GALNT14: variants seen among roughly 807,000 people sequenced by gnomAD.
GALNT14 encodes UDP-GalNAc:polypeptide N-acetylgalactosaminyltransferase 14.
GALNT14 carries 60 observed loss-of-function variants against 77.5 expected under a neutral mutation model. The ratio of observed to expected loss-of-function variants is 0.77; its 90% confidence interval spans 0.63 to 0.96. The LOEUF is 0.96. Among genes scored for constraint, GALNT14 ranks in the 40% least tolerant of loss-of-function variants. The probability of loss-of-function intolerance (pLI) is 0.00; values close to 1 mark genes in which losing one functional copy is unlikely to be tolerated. For synonymous variants in GALNT14, 280 were observed against 281.7 expected (o/e 0.99, Z 0.06); for missense variants, 710 against 731.0 (o/e 0.97, Z 0.33).
At chr2:30,989,234 C>A (rs983958676) in intron 2 of GALNT14, among the ~76,000 whole-genome samples, 4 of 152,022 alleles carry the variant, frequency 2.6e-5, no homozygotes, top group African/African-American at 9.7e-5. Flanking sequence ...TGCTAAGGAC[C>A]AGCACCCCAC....
At chr2:31,019,649 G>A (rs894304047) in intron 1 of GALNT14, among the ~76,000 whole-genome samples, 1 of 152,188 alleles carries the variant, frequency 6.6e-6, no homozygotes, top group African/African-American at 2.4e-5. Flanking sequence ...GGCTATCGCT[G>A]TCTTTCCAGA....
chr2:30,960,107 A>G (rs1317907354), intron 3 of GALNT14, among the ~76,000 whole-genome samples: 3 of 152,146 alleles, frequency 2.0e-5, no homozygotes, highest in African/African-American at 7.2e-5. Flanking sequence ...GAGGAACCCC[A>G]ACACAAAGTC....
At chr2:31,065,642 G>T (rs1674898386) in intron 1 of GALNT14, among the ~76,000 whole-genome samples, 3 of 152,164 alleles carry the variant, frequency 2.0e-5, no homozygotes, top group South Asian at 4.1e-4. Context: ...ACTTGATGAT[G>T]GTCCGGCAGG....
intron 11 of GALNT14, among the ~76,000 whole-genome samples, chr2:30,925,333 G>A (rs2148234247): frequency 6.6e-6 from 1 of 152,316 alleles, no homozygotes; most frequent in Non-Finnish European, 1.5e-5. Flanking sequence ...TGTACCCAAT[G>A]TGGGATACTA....
chr2:30,925,088 G>A (rs1665288597), intron 11 of GALNT14, among the ~76,000 whole-genome samples: 1 of 152,172 alleles, frequency 6.6e-6, no homozygotes, highest in African/African-American at 2.4e-5. Context: ...ATGGAATTTG[G>A]GGGTGTTTTT....
At position 30,985,190 on chromosome 2, in the gene GALNT14, T is replaced by A. The variant is rs997984033; in HGVS notation, c.299+7648A>T. On this transcript the variant is annotated intron_variant, in intron 2 of 14. Coordinates refer to ENST00000349752, the MANE Select transcript of GALNT14 (RefSeq NM_024572.4). ...AATGAATGAAATGTACAATGCAAGG[T>A]CAACGTTAGCAGGAATTCACTAGGA... Among the ~76,000 whole-genome samples, 7 of 152,038 alleles carry A rather than the reference T, an allele frequency of 4.6e-5. No homozygotes were observed. In the South Asian group the frequency reaches 1.0e-3, roughly 22 times the overall value.
intron 2 of GALNT14, among the ~76,000 whole-genome samples, chr2:30,988,614 C>A (rs984547500): frequency 1.3e-5 from 2 of 152,126 alleles, no homozygotes; most frequent in African/African-American, 2.4e-5. Context: ...CCTCTACTCT[C>A]GACTCAGACC....
chr2:30,889,902 A>G, the GALNT14 span, among the ~76,000 whole-genome samples: 725 of 152,294 alleles, frequency 4.8e-3, 3 homozygotes, highest in African/African-American at 0.017. Flanking sequence ...TTGCTTGCCT[A>G]ACTCTAAAAG....
At chr2:30,901,803 G>C in the GALNT14 span, among the ~76,000 whole-genome samples, 3 of 152,110 alleles carry the variant, frequency 2.0e-5, no homozygotes, top group African/African-American at 7.2e-5. Flanking sequence ...TTGGGGGACG[G>C]GGCTTCTGCC....
chr2:30,965,240 G>A (rs192738964), intron 3 of GALNT14, among the ~76,000 whole-genome samples: 110 of 152,260 alleles, frequency 7.2e-4, no homozygotes, highest in African/African-American at 2.1e-3. Context: ...CTGGCTAGGC[G>A]ACACTGGACC....
At chr2:30,962,778 T>A (rs1667772934) in intron 3 of GALNT14, among the ~76,000 whole-genome samples, 2 of 152,160 alleles carry the variant, frequency 1.3e-5, no homozygotes, top group Non-Finnish European at 2.9e-5. Flanking sequence ...CAACAAAGCC[T>A]GTCCAGAATT....
At chr2:31,024,538 A>G (rs1671926530) in intron 1 of GALNT14, among the ~76,000 whole-genome samples, 1 of 152,130 alleles carries the variant, frequency 6.6e-6, no homozygotes, top group African/African-American at 2.4e-5. Flanking sequence ...GGAATGCATT[A>G]GATTCTGCAT....
At chr2:30,968,094 G>A (rs569155555) in intron 2 of GALNT14, among the ~76,000 whole-genome samples, 3 of 152,232 alleles carry the variant, frequency 2.0e-5, no homozygotes, top group African/African-American at 4.8e-5. Context: ...CTCTTTTCTC[G>A]CAGTTCTCGT....
At chr2:31,096,725 G>A (rs1677020657) in intron 1 of GALNT14, among the ~76,000 whole-genome samples, 1 of 152,150 alleles carries the variant, frequency 6.6e-6, no homozygotes, top group South Asian at 2.1e-4. Context: ...GGAGTCTTCT[G>A]ATAATACATG....
At chr2:31,044,684 G>A (rs1011022236) in intron 1 of GALNT14, among the ~76,000 whole-genome samples, 1 of 152,126 alleles carries the variant, frequency 6.6e-6, no homozygotes, top group Non-Finnish European at 1.5e-5. Flanking sequence ...TTGGGAGGTC[G>A]AGGTGGGTGG....
intron 5 of GALNT14, 36 bp downstream of exon 5, chr2:30,955,876 C>A: frequency 6.2e-7 from 1 of 1,613,148 alleles, no homozygotes; most frequent in Non-Finnish European, 8.5e-7. Flanking sequence ...CCCCGACACT[C>A]ACACTGGAGG....
chr2:30,956,953 C>T (rs1004946414), intron 4 of GALNT14, among the ~76,000 whole-genome samples: 1 of 152,184 alleles, frequency 6.6e-6, no homozygotes, highest in Non-Finnish European at 1.5e-5. Flanking sequence ...ACTCAGCATG[C>T]CTCCCATTAC....
At chr2:31,131,717 T>C (rs989914930) in intron 1 of GALNT14, among the ~76,000 whole-genome samples, 11 of 152,174 alleles carry the variant, frequency 7.2e-5, no homozygotes, top group African/African-American at 2.7e-4. Flanking sequence ...AAAACCAAGC[T>C]GTGCAGGAAT....
chr2:31,062,686 A>G (rs1674680287), intron 1 of GALNT14, among the ~76,000 whole-genome samples: 3 of 152,184 alleles, frequency 2.0e-5, no homozygotes, highest in Non-Finnish European at 2.9e-5. Context: ...CAACAGTGTA[A>G]AAGTGTTCCT....
Sources: gnomAD v4.1 joint callset for allele counts (sites outside exome capture counted in the v4.1 genomes callset) on GRCh38, gnomAD v4.1.1 for gene constraint, MANE v1.5 for transcripts, NCBI Gene and HGNC (gene_info 2026-07-23, HGNC 2026-07-21) for gene names.